Variants in MAOB observed in about 807,000 individuals in gnomAD.
The protein encoded by MAOB is monoamine oxidase B, also known as amine oxidase [flavin-containing] B.
In MAOB, 15 loss-of-function variants were observed where a neutral mutation model predicts 41.9. That is an observed-to-expected ratio of 0.36 (90% CI 0.24 to 0.55). The LOEUF (loss-of-function observed/expected upper bound fraction) is 0.55, where lower values mean the gene tolerates loss of function less well. Among genes scored for constraint, MAOB ranks in the 20% least tolerant of loss-of-function variants. The pLI is 0.86. For synonymous variants in MAOB, 167 were observed against 144.2 expected, an observed-to-expected ratio of 1.16 and a Z score of -1.13; for missense variants, 345 against 398.7, an observed-to-expected ratio of 0.87 and a Z score of 1.15.
In MAOB at chrX:43,766,651, C is replaced by G. The variant is rs868171694; in HGVS notation, c.*815G>C. 4 of 111,888 alleles carry G rather than the reference C, an allele frequency of 3.6e-5. No homozygotes were observed. The highest frequency in any genetic ancestry group is 7.5e-5 in the Non-Finnish European group (4 of 53,232). 9.2% of individuals were successfully genotyped at this position (111,888 alleles called of 1,213,427 possible). ...TTATTTTTAATTACCCAAGTGTGTA[C>G]TGTCCTTTGTATGAAGATACAATGG... On this transcript the variant is annotated 3_prime_UTR_variant, in exon 15 of 15. Coordinates refer to ENST00000378069, the MANE Select transcript of MAOB (RefSeq NM_000898.5).
At chrX:43,853,032 G>A (rs910751327) in intron 1 of MAOB, among the ~76,000 whole-genome samples, 13 of 110,470 alleles carry the variant, frequency 1.2e-4, no homozygotes, top group Non-Finnish European at 1.7e-4. Flanking sequence ...CAGGCGCGGT[G>A]GCTCACGCCT....
Position 43,875,889 on chromosome X carries a change from T to G in MAOB, c.46+6365A>C, listed in dbSNP as rs749652359. On this transcript the variant is annotated intron_variant, in intron 1 of 14. Transcript: ENST00000378069. ...GAAGAGACAAGCTCTTTGAAAGAGC[T>G]TTTGATATCTAGCAGGGCATCTTTT... is the stretch of plus-strand genomic sequence containing the variant. 3.6e-5 allele frequency among the ~76,000 whole-genome samples: 4 copies of G among 112,060 alleles called. No individual in the cohort carries two copies. The East Asian group carries it at 1.1e-3, about 31-fold the overall frequency.
intron 3 of MAOB, among the ~76,000 whole-genome samples, chrX:43,838,448 C>T (rs377141171): frequency 1.8e-5 from 2 of 111,938 alleles, no homozygotes; most frequent in African/African-American, 6.5e-5. Flanking sequence ...GATATATAGG[C>T]CACAATGATA....
rs12006628 is a variant in MAOB, at chrX:43,783,113, T to C, written c.929-1569A>G. ...AGGATGCCCTCTCTCACCACTCCTA[T>C]TCAACATAGTATTGGAAGTTCTGGA... On this transcript the variant is annotated intron_variant, in intron 8 of 14. Coordinates refer to ENST00000378069, the MANE Select transcript of MAOB (RefSeq NM_000898.5). Among the ~76,000 whole-genome samples the C allele has an allele frequency of 8.0e-3, 895 of 112,211 alleles. 11 individuals are homozygous for C. The highest frequency in any genetic ancestry group is 0.028 in the African/African-American group (858 of 30,831).
chrX:43,882,064 C>G (rs1362818920), intron 1 of MAOB, among the ~76,000 whole-genome samples, 190 bp downstream of exon 1: 5 of 112,142 alleles, frequency 4.5e-5, no homozygotes, highest in African/African-American at 1.6e-4. Context: ...CGTCCGGGAA[C>G]GCACCCAAAA....
intron 3 of MAOB, among the ~76,000 whole-genome samples, chrX:43,807,119 T>A (rs1239131091): frequency 8.9e-6 from 1 of 112,140 alleles, no homozygotes; most frequent in East Asian, 2.8e-4. Flanking sequence ...AAATAATTCA[T>A]GTTCCATACA....
intron 12 of MAOB, among the ~76,000 whole-genome samples, chrX:43,774,493 G>A (rs10521432): frequency 0.3 from 32,919 of 110,553 alleles, 3,886 homozygotes; most frequent in Middle Eastern, 0.41. Flanking sequence ...ACTTTCTTGA[G>A]CATACTGATT....
At chrX:43,843,345 T>C (rs1465507049) in intron 2 of MAOB, among the ~76,000 whole-genome samples, 1 of 90,184 alleles carries the variant, frequency 1.1e-5, no homozygotes, top group Non-Finnish European at 2.2e-5. Context: ...TCTTCCTATT[T>C]CTCTCTCTGT....
intron 3 of MAOB, among the ~76,000 whole-genome samples, chrX:43,813,470 G>T (rs1305121765): frequency 1.8e-5 from 2 of 112,301 alleles, no homozygotes; most frequent in Non-Finnish European, 3.8e-5. Context: ...ACAATAAATT[G>T]CACATGAGTA....
chrX:43,865,756 A>G (rs894145651), intron 1 of MAOB, among the ~76,000 whole-genome samples: 1 of 108,271 alleles, frequency 9.2e-6, no homozygotes, highest in South Asian at 4.0e-4. Context: ...GTTTATTTGA[A>G]CTACAGTGAC....
At chrX:43,875,875 C>T (rs1035751329) in intron 1 of MAOB, among the ~76,000 whole-genome samples, 2 of 111,977 alleles carry the variant, frequency 1.8e-5, no homozygotes, top group African/African-American at 3.2e-5. Flanking sequence ...AAGAGACAAG[C>T]TCTTTGAAAG....
At chrX:43,849,120 G>A (rs894350725) in intron 1 of MAOB, among the ~76,000 whole-genome samples, 1 of 112,014 alleles carries the variant, frequency 8.9e-6, no homozygotes, top group Non-Finnish European at 1.9e-5. Context: ...GAGTAGCAAG[G>A]AGACCCTGAA....
chrX:43,835,241 T>A (rs1310890258), intron 3 of MAOB, among the ~76,000 whole-genome samples: 1 of 112,331 alleles, frequency 8.9e-6, no homozygotes, highest in Non-Finnish European at 1.9e-5. Context: ...AATTATGAAA[T>A]ATTCCTTAAA....
chrX:43,786,863 GA>G (rs990337778), intron 8 of MAOB, among the ~76,000 whole-genome samples: 10 of 111,312 alleles, frequency 9.0e-5, no homozygotes, highest in Admixed American at 7.7e-4. Context: ...GGAGCAGAGA[GA>G]AAAGTCATGT....
intron 6 of MAOB, among the ~76,000 whole-genome samples, chrX:43,796,878 C>T (rs187963630): frequency 4.6e-4 from 51 of 111,769 alleles, no homozygotes; most frequent in African/African-American, 1.5e-3. Flanking sequence ...AATAATTGAG[C>T]GTATGGAAAA....
intron 1 of MAOB, among the ~76,000 whole-genome samples, chrX:43,862,579 C>G (rs2035339499): frequency 8.9e-6 from 1 of 111,934 alleles, no homozygotes. Context: ...AGGAAGTCTA[C>G]TTATTGGATT....
Position 43,802,095 on chromosome X carries a change from AT to A in MAOB, c.476+76del, listed in dbSNP as rs763933162. 3.5e-4 allele frequency: 285 copies of A among 813,429 alleles called. 1 individual carries two copies. In the East Asian group the frequency reaches 5.6e-3, roughly 16 times the overall value. 67.0% of individuals were successfully genotyped at this position (813,429 alleles called of 1,213,427 possible). On this transcript the variant is annotated intron_variant, in intron 5 of 14. Transcript: ENST00000378069. ...TAGACACAAAGCAGCTACTTGTCCC[AT>A]ACTTGTTGAACGGTATTGCTAAATA... is the stretch of plus-strand genomic sequence containing the variant.
intron 1 of MAOB, among the ~76,000 whole-genome samples, chrX:43,878,922 C>A (rs755582441): frequency 8.9e-6 from 1 of 112,219 alleles, no homozygotes; most frequent in African/African-American, 3.2e-5. Context: ...CTCAAATGAC[C>A]AAATCTCCTC....
At chrX:43,875,039 CA>C (rs1332546560) in intron 1 of MAOB, among the ~76,000 whole-genome samples, 3 of 112,196 alleles carry the variant, frequency 2.7e-5, no homozygotes, top group Admixed American at 9.5e-5. Context: ...ACATTGCTAA[CA>C]GGGACTTGGC....
Sources: allele counts gnomAD v4.1 joint callset (sites outside exome capture counted in the v4.1 genomes callset), GRCh38; gene constraint gnomAD v4.1.1; transcripts MANE v1.5; gene names NCBI Gene and HGNC (gene_info 2026-07-23, HGNC 2026-07-21).